Variants in KIAA1217 observed in about 807,000 individuals in gnomAD.
The protein encoded by KIAA1217 is sickle tail protein homolog.
A neutral mutation model predicts 163.9 loss-of-function variants in KIAA1217; 88 were observed. That is an observed-to-expected ratio of 0.54 (90% CI 0.45 to 0.64). The LOEUF (loss-of-function observed/expected upper bound fraction) is 0.64. KIAA1217 is among the 30% of genes least tolerant of loss of function. KIAA1217 has a pLI of 0.00. For synonymous variants in KIAA1217, 903 were observed against 923.1 expected, an observed-to-expected ratio of 0.98 and a Z score of 0.39; for missense variants, 2,372 against 2,475.0, an observed-to-expected ratio of 0.96 and a Z score of 0.88.
chr10:24,302,297 G>C (rs950464808), intron 2 of KIAA1217, among the ~76,000 whole-genome samples: 1 of 152,170 alleles, frequency 6.6e-6, no homozygotes, highest in African/African-American at 2.4e-5. Flanking sequence ...TGTCCATCAT[G>C]GGTAAGGAGT....
intron 2 of KIAA1217, among the ~76,000 whole-genome samples, chr10:24,361,732 T>C (rs1591313481): frequency 6.6e-6 from 1 of 151,858 alleles, no homozygotes; most frequent in Admixed American, 6.6e-5. Context: ...TCCCAGCCCT[T>C]TGGGAGGCCG....
At chr10:24,452,778 T>C (rs113028332) in intron 5 of KIAA1217, among the ~76,000 whole-genome samples, 18 of 150,636 alleles carry the variant, frequency 1.2e-4, no homozygotes, top group Admixed American at 4.6e-4. Context: ...CTTTTAAAAA[T>C]AACTAAAAGA....
intron 20 of KIAA1217, 33 bp downstream of exon 20, chr10:24,545,136 C>G (rs759509189): frequency 1.9e-6 from 3 of 1,612,398 alleles, no homozygotes; most frequent in Non-Finnish European, 2.5e-6. Flanking sequence ...TTTGGATGGA[C>G]GCTATTTCAG....
chr10:23,979,963 A>G (rs1439404568), intron 1 of KIAA1217, among the ~76,000 whole-genome samples: 1 of 150,754 alleles, frequency 6.6e-6, no homozygotes, highest in African/African-American at 2.4e-5. Context: ...TTTTAATTTT[A>G]TTTTTCAAAA....
intron 1 of KIAA1217, among the ~76,000 whole-genome samples, chr10:23,946,253 A>G (rs955747434): frequency 7.1e-6 from 1 of 141,552 alleles, no homozygotes; most frequent in South Asian, 2.2e-4. Context: ...TGTGCCTCCA[A>G]TGTCTCTTCC....
intron 1 of KIAA1217, among the ~76,000 whole-genome samples, chr10:23,983,973 T>A (rs1336143081): frequency 2.6e-5 from 4 of 152,188 alleles, no homozygotes; most frequent in African/African-American, 9.7e-5. Flanking sequence ...GAGGCAGAGA[T>A]TAAATTTTGC....
At chr10:24,247,711 G>A (rs1216955789) in intron 2 of KIAA1217, among the ~76,000 whole-genome samples, 1 of 152,156 alleles carries the variant, frequency 6.6e-6, no homozygotes, top group Non-Finnish European at 1.5e-5. Context: ...TGAGGCAGGA[G>A]AATGGCATGA....
At chr10:23,943,119 G>A (rs1564552856) in intron 1 of KIAA1217, among the ~76,000 whole-genome samples, 1 of 151,788 alleles carries the variant, frequency 6.6e-6, no homozygotes, top group Non-Finnish European at 1.5e-5. Flanking sequence ...GTGAGACACT[G>A]TCTCAAAATT....
intron 1 of KIAA1217, among the ~76,000 whole-genome samples, chr10:23,821,863 A>G (rs1337829175): frequency 6.6e-6 from 1 of 152,154 alleles, no homozygotes; most frequent in East Asian, 1.9e-4. Context: ...TCTTTCGGCC[A>G]TCAGGATCAC....
intron 2 of KIAA1217, among the ~76,000 whole-genome samples, chr10:24,335,823 G>A (rs1481544821): frequency 6.6e-6 from 1 of 151,840 alleles, no homozygotes; most frequent in Non-Finnish European, 1.5e-5. Context: ...TGTTGCCCAG[G>A]CTAGTCTCAA....
chr10:24,141,748 C>T (rs900771084), intron 2 of KIAA1217, among the ~76,000 whole-genome samples: 5 of 152,140 alleles, frequency 3.3e-5, no homozygotes, highest in East Asian at 1.9e-4. Flanking sequence ...AATCACAACC[C>T]GTAGATAAGG....
chr10:24,472,721 GA>G lies in KIAA1217; in HGVS notation c.847-506del, dbSNP rs1564743967. 2.6e-5 allele frequency among the ~76,000 whole-genome samples: 4 copies of G among 152,186 alleles called. No individual in the cohort carries two copies. The South Asian group carries it at 8.3e-4, about 32-fold the overall frequency. Reference sequence around the variant, plus strand: ...TAAATTTAGTGGCTTAAAACGTCATGATTTTTTTAAACACCATAGGTGTATC... The same window carrying G: ...TAAATTTAGTGGCTTAAAACGTCATGTTTTTTTAAACACCATAGGTGTATC... On this transcript the variant is annotated intron_variant, in intron 5 of 20. Coordinates refer to ENST00000376454, the MANE Select transcript of KIAA1217 (RefSeq NM_019590.5).
chr10:23,830,876 C>T (rs1022490105), intron 1 of KIAA1217, among the ~76,000 whole-genome samples: 1 of 151,516 alleles, frequency 6.6e-6, no homozygotes, highest in African/African-American at 2.4e-5. Flanking sequence ...GCTTAATGAC[C>T]AGAAAAAGTA....
At chr10:24,294,386 C>T (rs1046829545) in intron 2 of KIAA1217, among the ~76,000 whole-genome samples, 2 of 152,008 alleles carry the variant, frequency 1.3e-5, no homozygotes, top group Non-Finnish European at 2.9e-5. Flanking sequence ...ATTCTTTCAA[C>T]AGGTAGTGGT....
intron 2 of KIAA1217, among the ~76,000 whole-genome samples, chr10:24,293,546 A>AT (rs1474247421): frequency 7.5e-6 from 1 of 132,754 alleles, no homozygotes; most frequent in Non-Finnish European, 1.7e-5. Flanking sequence ...GTAACCAGGG[A>AT]TGGCTGTTGG....
intron 1 of KIAA1217, among the ~76,000 whole-genome samples, chr10:23,716,449 A>G (rs1837575088): frequency 6.6e-6 from 1 of 152,206 alleles, no homozygotes; most frequent in Non-Finnish European, 1.5e-5. Flanking sequence ...AAAGTTTTAA[A>G]TCACCAATTA....
chr10:23,863,094 T>G (rs532488790), intron 1 of KIAA1217, among the ~76,000 whole-genome samples: 1 of 152,332 alleles, frequency 6.6e-6, no homozygotes, highest in Non-Finnish European at 1.5e-5. Flanking sequence ...ATTTTGGCCC[T>G]GTTAGCTCTG....
intron 6 of KIAA1217, among the ~76,000 whole-genome samples, chr10:24,478,958 A>C (rs1317142398): frequency 6.6e-6 from 1 of 152,342 alleles, no homozygotes; most frequent in East Asian, 1.9e-4. Context: ...TTGATTTTTC[A>C]GGACCCAGTA....
At chr10:24,176,162 A>T (rs773238945) in intron 2 of KIAA1217, among the ~76,000 whole-genome samples, 1 of 152,188 alleles carries the variant, frequency 6.6e-6, no homozygotes, top group African/African-American at 2.4e-5. Context: ...TGCTTTTACA[A>T]TCTCTGAGCT....
Sources: allele counts gnomAD v4.1 joint callset (sites outside exome capture counted in the v4.1 genomes callset), GRCh38; gene constraint gnomAD v4.1.1; transcripts MANE v1.5; gene names NCBI Gene and HGNC (gene_info 2026-07-23, HGNC 2026-07-21).